PCDH9: variants seen among roughly 807,000 people sequenced by gnomAD.
PCDH9 encodes the protein protocadherin 9.
In PCDH9, 24 loss-of-function variants were observed where a neutral mutation model predicts 70.6. The ratio of observed to expected loss-of-function variants is 0.34; its 90% confidence interval spans 0.25 to 0.48. The LOEUF (loss-of-function observed/expected upper bound fraction) is 0.48. Ranked by LOEUF, PCDH9 falls within the 20% of genes least tolerant of loss-of-function variation. The probability of loss-of-function intolerance (pLI) is 0.99; values close to 1 mark genes in which losing one functional copy is unlikely to be tolerated. For synonymous variants in PCDH9, 562 were observed against 558.5 expected (o/e 1.01, Z -0.09); for missense variants, 1,281 against 1,503.6 (o/e 0.85, Z 2.45).
intron 3 of PCDH9, among the ~76,000 whole-genome samples, chr13:66,829,999 A>C (rs1376853820): frequency 1.3e-5 from 2 of 152,110 alleles, no homozygotes; most frequent in African/African-American, 4.8e-5. Context: ...AGCAAAATAA[A>C]ATAACAACAA....
At chr13:67,053,192 A>AT (rs1566391360) in intron 2 of PCDH9, among the ~76,000 whole-genome samples, 2 of 152,142 alleles carry the variant, frequency 1.3e-5, no homozygotes, top group Non-Finnish European at 2.9e-5. Flanking sequence ...TATCCAACTC[A>AT]TTTTTTTAAA....
chr13:66,718,243 G>C (rs569023768), intron 3 of PCDH9, among the ~76,000 whole-genome samples: 3 of 152,102 alleles, frequency 2.0e-5, no homozygotes, highest in African/African-American at 4.8e-5. Context: ...CCTGAGACCC[G>C]TTCAAACTGA....
At chr13:66,591,407 A>T (rs1342918939) in intron 4 of PCDH9, among the ~76,000 whole-genome samples, 1 of 151,480 alleles carries the variant, frequency 6.6e-6, no homozygotes, top group Non-Finnish European at 1.5e-5. Flanking sequence ...AAGGTATAGC[A>T]GTATGGAAAA....
rs559783743 is a variant in PCDH9 at position 66,756,783 on chromosome 13, A to G, written c.3139-125372T>C. ...GGGGATTGCTGCTCATCTAAGGACA[A>G]TATTTTTCAGCACTCCCTGTAGTTA... On this transcript the variant is annotated intron_variant, in intron 3 of 4. Transcript: ENST00000377865. Among the ~76,000 whole-genome samples, 3 of 152,228 alleles carry G rather than the reference A, an allele frequency of 2.0e-5. No individual in the cohort carries two copies. The South Asian group carries it at 6.2e-4, about 32-fold the overall frequency.
rs183074398 is a variant in PCDH9 at position 66,433,292 on chromosome 13, T to G, written c.3341-128264A>C. On this transcript the variant is annotated intron_variant, in intron 4 of 4. Coordinates refer to ENST00000377865, the MANE Select transcript of PCDH9 (RefSeq NM_203487.3). ...TAAATGCCTTTGAAATTTTTCAAAA[T>G]TTTGTATTTAGGATTACAAACCAAT... 1.5e-4 allele frequency among the ~76,000 whole-genome samples: 23 copies of G among 152,068 alleles called. 1 individual carries two copies. The East Asian group carries it at 4.4e-3, about 29-fold the overall frequency.
chr13:67,189,037 G>A (rs1344074809), intron 2 of PCDH9, among the ~76,000 whole-genome samples: 1 of 151,804 alleles, frequency 6.6e-6, no homozygotes, highest in African/African-American at 2.4e-5. Context: ...GAGAACATAC[G>A]ACGTTTGGTT....
intron 2 of PCDH9, among the ~76,000 whole-genome samples, chr13:67,154,794 T>G (rs1007171230): frequency 2.7e-5 from 4 of 149,418 alleles, no homozygotes; most frequent in Admixed American, 2.7e-4. Flanking sequence ...AACCTCCGCC[T>G]CTGGATCCAA....
At chr13:67,202,060 T>C (rs1218462821) in intron 2 of PCDH9, 2 of 145,670 alleles carry the variant, frequency 1.4e-5, no homozygotes, top group Non-Finnish European at 3.0e-5. Flanking sequence ...AATTATCAAG[T>C]TTTTTTTTTA....
intron 2 of PCDH9, among the ~76,000 whole-genome samples, chr13:67,111,539 C>T (rs2086658948): frequency 6.6e-6 from 1 of 152,192 alleles, no homozygotes; most frequent in Non-Finnish European, 1.5e-5. Flanking sequence ...CCTAACGCTA[C>T]TACCAAGGTT....
At chr13:66,813,828 T>C (rs1391622735) in intron 3 of PCDH9, among the ~76,000 whole-genome samples, 1 of 152,020 alleles carries the variant, frequency 6.6e-6, no homozygotes, top group Non-Finnish European at 1.5e-5. Flanking sequence ...TATAGTAAAA[T>C]TCAGGTTCAA....
intron 3 of PCDH9, among the ~76,000 whole-genome samples, chr13:66,731,623 G>C (rs1046210927): frequency 1.3e-5 from 2 of 151,944 alleles, no homozygotes; most frequent in African/African-American, 4.8e-5. Flanking sequence ...TGCATGGAAA[G>C]AAAAAGAAAA....
chr13:66,531,407 T>C (rs1053904868), intron 4 of PCDH9, among the ~76,000 whole-genome samples: 1 of 152,116 alleles, frequency 6.6e-6, no homozygotes, highest in Non-Finnish European at 1.5e-5. Flanking sequence ...TAGTTAAAAA[T>C]CATTGTTTTC....
intron 2 of PCDH9, among the ~76,000 whole-genome samples, chr13:66,903,882 A>G (rs2082316789): frequency 6.6e-6 from 1 of 152,018 alleles, no homozygotes; most frequent in South Asian, 2.1e-4. Flanking sequence ...TATTTATTAC[A>G]TTTATGACTT....
intron 3 of PCDH9, among the ~76,000 whole-genome samples, chr13:66,665,654 A>G (rs367818086): frequency 1.2e-4 from 19 of 152,274 alleles, no homozygotes; most frequent in African/African-American, 4.3e-4. Context: ...TCTGGGGCAC[A>G]TGATGTAGTC....
chr13:66,719,984 A>G (rs1366701900), intron 3 of PCDH9, among the ~76,000 whole-genome samples: 1 of 152,154 alleles, frequency 6.6e-6, no homozygotes, highest in Non-Finnish European at 1.5e-5. Context: ...ACTTTATGCT[A>G]TAATTAAATA....
chr13:66,610,160 A>G lies in PCDH9; in HGVS notation c.3340+21050T>C, dbSNP rs191767373. 5.7e-4 allele frequency among the ~76,000 whole-genome samples: 87 copies of G among 152,112 alleles called. 1 individual carries two copies. Among genetic ancestry groups the G allele is most frequent in the Middle Eastern group, 6.8e-3 (2 of 294 alleles). On this transcript the variant is annotated intron_variant, in intron 4 of 4. Transcript: ENST00000377865. ...ATCTTGTTCATCATGCTTTGCTTAT[A>G]TTATTACTAATGCATCAAATATCCA...
At chr13:66,724,519 A>G (rs2078981127) in intron 3 of PCDH9, among the ~76,000 whole-genome samples, 1 of 152,182 alleles carries the variant, frequency 6.6e-6, no homozygotes, top group Non-Finnish European at 1.5e-5. Flanking sequence ...CAAAGTCTCT[A>G]TGTCCAGACC....
Position 66,930,390 on chromosome 13 carries a change from A to T in PCDH9, c.3037-26785T>A, listed in dbSNP as rs117892074. On this transcript the variant is annotated intron_variant, in intron 2 of 4. Transcript: ENST00000377865. The stretch of plus-strand genomic sequence containing the variant: ...GCAGTGGTGAAAACTTCAACTAAAG[A>T]TTATTTACAGGTGGAAAATGAAACT... Among the ~76,000 whole-genome samples, 233 of 152,272 alleles carry T rather than the reference A, an allele frequency of 1.5e-3. 2 individuals carry two copies. In the East Asian group the frequency reaches 0.017, roughly 11 times the overall value.
intron 4 of PCDH9, among the ~76,000 whole-genome samples, chr13:66,628,945 TGCCTTTGC>T (rs536159066): frequency 9.1e-4 from 138 of 152,348 alleles, no homozygotes; most frequent in African/African-American, 3.2e-3. Context: ...TTTGAAAAGC[TGCCTTTGC>T]TTTCTAGTTG....
Sources: gnomAD v4.1 joint callset for allele counts (sites outside exome capture counted in the v4.1 genomes callset) on GRCh38, gnomAD v4.1.1 for gene constraint, MANE v1.5 for transcripts, NCBI Gene and HGNC (gene_info 2026-07-23, HGNC 2026-07-21) for gene names.